CADPS2: variants seen among roughly 807,000 people sequenced by gnomAD.
The protein encoded by CADPS2 is calcium dependent secretion activator 2, also known as calcium-dependent secretion activator 2.
Under a neutral mutation model 172.5 loss-of-function variants are expected in CADPS2, and 93 were observed. That is an observed-to-expected ratio of 0.54 (90% CI 0.46 to 0.64). CADPS2 has a LOEUF of 0.64. Among genes scored for constraint, CADPS2 ranks in the 30% least tolerant of loss-of-function variants. CADPS2 has a pLI of 0.00. For missense variants in CADPS2, 1,420 were observed against 1,565.9 expected, an observed-to-expected ratio of 0.91 and a Z score of 1.57; for synonymous variants, 546 against 555.2, an observed-to-expected ratio of 0.98 and a Z score of 0.23.
intron 6 of CADPS2, among the ~76,000 whole-genome samples, chr7:122,605,992 C>T (rs1336257839): frequency 6.6e-6 from 1 of 152,124 alleles, no homozygotes; most frequent in Non-Finnish European, 1.5e-5. Flanking sequence ...GTCCCCAAAC[C>T]ACACAGTGAT....
At chr7:122,655,147 T>A (rs1264183301) in intron 3 of CADPS2, among the ~76,000 whole-genome samples, 1 of 152,202 alleles carries the variant, frequency 6.6e-6, no homozygotes, top group Non-Finnish European at 1.5e-5. Flanking sequence ...TGAAGTGAAA[T>A]CTAATCCTAG....
At chr7:122,629,150 G>T in intron 4 of CADPS2, 98 bp downstream of exon 4, 2 of 837,736 alleles carry the variant, frequency 2.4e-6, no homozygotes, top group African/African-American at 1.7e-5. Flanking sequence ...AATTATGCTG[G>T]CTCTTTTTTT....
intron 6 of CADPS2, among the ~76,000 whole-genome samples, chr7:122,589,738 T>G (rs2070438402): frequency 6.6e-6 from 1 of 151,876 alleles, no homozygotes; most frequent in South Asian, 2.1e-4. Flanking sequence ...TGGGAGTGAT[T>G]AACATAGAAA....
In CADPS2 at chr7:122,580,447, T is replaced by C. The variant is rs2068650915; in HGVS notation, c.1335+732A>G. Among the ~76,000 whole-genome samples, 4 of 118,028 alleles carry C rather than the reference T, an allele frequency of 3.4e-5. No homozygotes were observed. In the South Asian group the frequency reaches 1.1e-3, roughly 33 times the overall value. The allele number at this position is 118,028 out of a possible 152,430, so 77.4% of individuals were successfully genotyped here. ...CAGCCTGGGCAACAGAGCAAGATTCTGTCTCAAAAAAAAAAAAAAACCCAT... is the reference window on the plus strand; with the variant it reads ...CAGCCTGGGCAACAGAGCAAGATTCCGTCTCAAAAAAAAAAAAAAACCCAT... On this transcript the variant is annotated intron_variant, in intron 7 of 29. Transcript: ENST00000449022.
chr7:122,417,961 G>C (rs1035272325), intron 17 of CADPS2, among the ~76,000 whole-genome samples: 13 of 152,092 alleles, frequency 8.5e-5, no homozygotes, highest in Non-Finnish European at 1.8e-4. Context: ...CCTGAGGTCA[G>C]GAGTTCGAAA....
chr7:122,666,036 CTCA>C (rs1342166309), intron 2 of CADPS2, among the ~76,000 whole-genome samples: 1 of 67,706 alleles, frequency 1.5e-5, no homozygotes, highest in Admixed American at 1.3e-4. Context: ...CCTTCTCAAC[CTCA>C]TCTAATCACT....
rs564749182 is a variant in CADPS2, at chr7:122,657,652, T to C, written c.786+5585A>G. On this transcript the variant is annotated intron_variant, in intron 3 of 29. Transcript: ENST00000449022. ...TAAGAATGCTTGTGATTTTTGCACA[T>C]TGATTTTGTATCCTGAGATTTTGCT... is the stretch of plus-strand genomic sequence containing the variant. Among the ~76,000 whole-genome samples the C allele has an allele frequency of 1.1e-4, 17 of 152,332 alleles. No homozygotes were observed. In the East Asian group the frequency reaches 2.3e-3, roughly 21 times the overall value.
intron 3 of CADPS2, among the ~76,000 whole-genome samples, chr7:122,630,391 G>A (rs76028229): frequency 1.3e-5 from 2 of 150,684 alleles, no homozygotes; most frequent in African/African-American, 4.9e-5. Flanking sequence ...AAAAAAAAAA[G>A]AGGAAGATGT....
At chr7:122,660,748 A>T (rs1001303463) in intron 3 of CADPS2, among the ~76,000 whole-genome samples, 1 of 152,138 alleles carries the variant, frequency 6.6e-6, no homozygotes, top group Non-Finnish European at 1.5e-5. Context: ...ATCTCTACTA[A>T]AAATACAAAA....
intron 6 of CADPS2, among the ~76,000 whole-genome samples, chr7:122,599,196 T>C (rs563121308): frequency 3.6e-4 from 55 of 152,098 alleles, no homozygotes; most frequent in African/African-American, 1.2e-3. Context: ...AGGGGATAGC[T>C]CAACTGATAA....
intron 1 of CADPS2, among the ~76,000 whole-genome samples, chr7:122,834,132 C>A (rs905596366): frequency 2.0e-5 from 3 of 152,138 alleles, no homozygotes; most frequent in African/African-American, 7.2e-5. Flanking sequence ...ACAAGCAAGA[C>A]AGACCTGGAA....
intron 8 of CADPS2, among the ~76,000 whole-genome samples, chr7:122,550,013 G>C (rs2064058925): frequency 6.6e-6 from 1 of 152,100 alleles, no homozygotes; most frequent in Admixed American, 6.6e-5. Context: ...CTTTACTAGA[G>C]TGCAGTCATT....
At chr7:122,752,718 T>C (rs551689337) in intron 1 of CADPS2, among the ~76,000 whole-genome samples, 2 of 152,284 alleles carry the variant, frequency 1.3e-5, no homozygotes, top group South Asian at 2.1e-4. Flanking sequence ...TTCAGAACTC[T>C]TTCCCTGTGA....
intron 8 of CADPS2, among the ~76,000 whole-genome samples, chr7:122,549,382 T>G (rs553333445): frequency 7.4e-4 from 113 of 152,290 alleles, no homozygotes; most frequent in African/African-American, 2.0e-3. Flanking sequence ...GCTGACTCAA[T>G]ACTTACCGTC....
intron 7 of CADPS2, among the ~76,000 whole-genome samples, chr7:122,571,915 ATAAT>A (rs1321929183): frequency 6.6e-6 from 1 of 152,168 alleles, no homozygotes; most frequent in Non-Finnish European, 1.5e-5. Flanking sequence ...GTTTTATTGA[ATAAT>A]TAACTATACT....
At chr7:122,800,847 C>T (rs984232938) in intron 1 of CADPS2, among the ~76,000 whole-genome samples, 3 of 151,802 alleles carry the variant, frequency 2.0e-5, no homozygotes, top group South Asian at 2.1e-4. Context: ...AAAAATTAGC[C>T]GGGCGTGGTG....
At chr7:122,884,841 G>A (rs1719135737) in intron 1 of CADPS2, among the ~76,000 whole-genome samples, 1 of 152,186 alleles carries the variant, frequency 6.6e-6, no homozygotes, top group South Asian at 2.1e-4. Flanking sequence ...AAAAATAAAG[G>A]TTATCTAAAT....
intron 9 of CADPS2, among the ~76,000 whole-genome samples, chr7:122,510,092 A>AATACTTAAGATATAAATAC (rs1323888451): frequency 6.6e-6 from 1 of 152,096 alleles, no homozygotes; most frequent in Non-Finnish European, 1.5e-5. Context: ...CAATATATTA[A>AATACTTAAGATATAAATAC]AGTATCTTAA....
chr7:122,343,341 C>T (rs1255856326), intron 28 of CADPS2, among the ~76,000 whole-genome samples: 2 of 152,158 alleles, frequency 1.3e-5, no homozygotes, highest in African/African-American at 4.8e-5. Context: ...TACTTTTAGA[C>T]CCATAGCCAT....
Sources: gnomAD v4.1 joint callset for allele counts (sites outside exome capture counted in the v4.1 genomes callset) on GRCh38, gnomAD v4.1.1 for gene constraint, MANE v1.5 for transcripts, NCBI Gene and HGNC (gene_info 2026-07-23, HGNC 2026-07-21) for gene names.